NTRK3: variants seen among roughly 807,000 people sequenced by gnomAD.
NTRK3 encodes neurotrophic receptor tyrosine kinase 3, also known as NT-3 growth factor receptor.
Under a neutral mutation model 91.7 loss-of-function variants are expected in NTRK3, and 24 were observed. The ratio of observed to expected loss-of-function variants is 0.26; its 90% CI spans 0.19 to 0.37. The LOEUF (loss-of-function observed/expected upper bound fraction) is 0.37, where lower values mean the gene tolerates loss of function less well. NTRK3 is among the 10% of genes least tolerant of loss of function. NTRK3 has a pLI of 1.00. For missense variants in NTRK3, 880 were observed against 1,068.9 expected, an observed-to-expected ratio of 0.82 and a Z score of 2.46; for synonymous variants, 483 against 404.0, an observed-to-expected ratio of 1.20 and a Z score of -2.34.
At chr15:88,063,698 G>A (rs978296800) in intron 13 of NTRK3, among the ~76,000 whole-genome samples, 3 of 152,142 alleles carry the variant, frequency 2.0e-5, no homozygotes, top group Non-Finnish European at 4.4e-5. Context: ...TTTATCTTAT[G>A]GCTCCAATGC....
chr15:88,093,075 T>G (rs1397103122), intron 13 of NTRK3, among the ~76,000 whole-genome samples: 3 of 136,386 alleles, frequency 2.2e-5, no homozygotes, highest in Non-Finnish European at 4.8e-5. Context: ...GTTTTTTTTG[T>G]TTTTTTTTTT....
At chr15:88,192,358 C>T (rs2047473994) in intron 3 of NTRK3, among the ~76,000 whole-genome samples, 1 of 152,166 alleles carries the variant, frequency 6.6e-6, no homozygotes, top group Admixed American at 6.5e-5. Context: ...TCCTATCCTA[C>T]CCCTCCCCAG....
At chr15:88,219,449 T>C (rs1281623533) in intron 3 of NTRK3, among the ~76,000 whole-genome samples, 1 of 152,222 alleles carries the variant, frequency 6.6e-6, no homozygotes. Flanking sequence ...GGCTGGACCC[T>C]TGGGGCAGAA....
chr15:88,229,056 C>T (rs1283159731), intron 3 of NTRK3, among the ~76,000 whole-genome samples: 3 of 152,154 alleles, frequency 2.0e-5, no homozygotes, highest in Non-Finnish European at 2.9e-5. Context: ...GAGAGAAAGG[C>T]TAAGAGAATG....
exon 3 of NTRK3, chr15:88,256,095 C>T (rs781379782): frequency 1.2e-6 from 2 of 1,611,744 alleles, no homozygotes; most frequent in East Asian, 2.2e-5. Context: ...CAGCCAGACG[C>T]TTCCCAGCAA....
At chr15:87,933,598 C>T (rs1300510441) in intron 15 of NTRK3, among the ~76,000 whole-genome samples, 1 of 152,282 alleles carries the variant, frequency 6.6e-6, no homozygotes, top group Non-Finnish European at 1.5e-5. Context: ...TGCCCCAATA[C>T]TTTAGCTTTG....
intron 3 of NTRK3, among the ~76,000 whole-genome samples, chr15:88,224,014 T>C (rs1400306725): frequency 6.6e-6 from 1 of 152,160 alleles, no homozygotes; most frequent in Non-Finnish European, 1.5e-5. Flanking sequence ...ACACTCAAGG[T>C]AGCACCCACA....
chr15:88,157,901 T>C (rs531707670), intron 5 of NTRK3, among the ~76,000 whole-genome samples: 1 of 152,282 alleles, frequency 6.6e-6, no homozygotes, highest in Non-Finnish European at 1.5e-5. Context: ...TTCCTGATAC[T>C]CAAACCAGGG....
chr15:88,060,056 C>CGGA (rs1389508758), intron 13 of NTRK3, among the ~76,000 whole-genome samples: 2 of 152,102 alleles, frequency 1.3e-5, no homozygotes, highest in African/African-American at 2.4e-5. Context: ...AGCCTCCTCA[C>CGGA]GGAGGTGACA....
intron 13 of NTRK3, among the ~76,000 whole-genome samples, chr15:88,102,699 A>G (rs1450129784): frequency 6.6e-6 from 1 of 152,178 alleles, no homozygotes; most frequent in Non-Finnish European, 1.5e-5. Context: ...GAAGATTCCC[A>G]AAAGAATGTG....
intron 5 of NTRK3, among the ~76,000 whole-genome samples, chr15:88,161,432 A>G (rs79243055): frequency 0.015 from 2,279 of 152,266 alleles, 40 homozygotes; most frequent in African/African-American, 0.051. Flanking sequence ...CCTAGCGATC[A>G]CTGCCTGTCA....
At chr15:87,897,066 G>A (rs1464929074) in intron 17 of NTRK3, among the ~76,000 whole-genome samples, 4 of 152,102 alleles carry the variant, frequency 2.6e-5, no homozygotes, top group African/African-American at 7.2e-5. Flanking sequence ...TCAGTGGAAC[G>A]GCTGTCTCAG....
intron 14 of NTRK3, among the ~76,000 whole-genome samples, chr15:88,002,978 C>G (rs2076225213): frequency 6.6e-6 from 1 of 152,176 alleles, no homozygotes; most frequent in Non-Finnish European, 1.5e-5. Flanking sequence ...CCGCCAAGAT[C>G]AGAGAGAAGA....
intron 17 of NTRK3, among the ~76,000 whole-genome samples, chr15:87,913,411 C>A (rs765992743): frequency 6.6e-5 from 10 of 152,124 alleles, no homozygotes; most frequent in Non-Finnish European, 1.0e-4. Context: ...GAATTGAGAG[C>A]ACTGCTCAGG....
chr15:87,933,381 A>G (rs1227748837), intron 15 of NTRK3, among the ~76,000 whole-genome samples, 197 bp from the exon 16 acceptor site: 1 of 152,246 alleles, frequency 6.6e-6, no homozygotes, highest in Non-Finnish European at 1.5e-5. Flanking sequence ...ATCCCTGCAG[A>G]AATAGAAACC....
intron 13 of NTRK3, among the ~76,000 whole-genome samples, chr15:88,077,379 C>T (rs1304646387): frequency 1.3e-5 from 2 of 152,092 alleles, no homozygotes; most frequent in African/African-American, 4.8e-5. Context: ...TTCTCAAAAA[C>T]CCTTACGTAG....
intron 14 of NTRK3, among the ~76,000 whole-genome samples, chr15:88,031,714 G>A (rs1011983187): frequency 4.6e-5 from 7 of 152,150 alleles, no homozygotes; most frequent in African/African-American, 1.4e-4. Context: ...AAAACTCAGA[G>A]CCAGGGAAAT....
intron 17 of NTRK3, among the ~76,000 whole-genome samples, chr15:87,925,259 T>C (rs1037240343): frequency 4.6e-5 from 7 of 152,308 alleles, no homozygotes; most frequent in Non-Finnish European, 7.4e-5. Flanking sequence ...AACAGGAAAT[T>C]AGGCAGTTCA....
chr15:88,013,376 T>A (rs2077016616), intron 14 of NTRK3, among the ~76,000 whole-genome samples: 2 of 152,212 alleles, frequency 1.3e-5, no homozygotes, highest in Admixed American at 6.5e-5. Context: ...CCATCGCCAG[T>A]GTTGGTGGAA....
Sources: allele counts gnomAD v4.1 joint callset (sites outside exome capture counted in the v4.1 genomes callset), GRCh38; gene constraint gnomAD v4.1.1; transcripts MANE v1.5; gene names NCBI Gene and HGNC (gene_info 2026-07-23, HGNC 2026-07-21).